CFAP36: variants seen among roughly 807,000 people sequenced by gnomAD.
CFAP36 encodes the protein cilia and flagella associated protein 36.
CFAP36 carries 37 observed loss-of-function variants against 50.5 expected under a neutral mutation model. The ratio of observed to expected loss-of-function variants is 0.73; its 90% CI spans 0.56 to 0.96. The LOEUF is 0.96. Ranked by LOEUF, CFAP36 falls within the 50% of genes least tolerant of loss-of-function variation. The pLI is 0.00. For missense variants in CFAP36, 407 were observed against 396.2 expected (o/e 1.03, Z -0.23); for synonymous variants, 138 against 128.2 (o/e 1.08, Z -0.52).
chr2:55,542,095 C>G (rs1246328562), intron 7 of CFAP36, among the ~76,000 whole-genome samples: 1 of 152,152 alleles, frequency 6.6e-6, no homozygotes, highest in Non-Finnish European at 1.5e-5. Context: ...TTAGGTTTGT[C>G]TGTGCTCTAG....
intron 6 of CFAP36, 57 bp downstream of exon 6, chr2:55,535,820 A>G: frequency 1.3e-6 from 2 of 1,526,390 alleles, no homozygotes; most frequent in African/African-American, 1.4e-5. Flanking sequence ...TATTAAGTTT[A>G]CACCTAGATC....
At chr2:55,520,526 A>G (rs993595290) in intron 1 of CFAP36, 1 of 1,436,092 alleles carries the variant, frequency 7.0e-7, no homozygotes, top group African/African-American at 1.4e-5. Flanking sequence ...GAGGTGGGGC[A>G]GGACCATTCT....
chr2:55,522,220 A>T, intron 2 of CFAP36, 54 bp downstream of exon 2: 1 of 879,042 alleles, frequency 1.1e-6, no homozygotes, highest in Non-Finnish European at 1.7e-6. Flanking sequence ...TACTACTTAT[A>T]GCTTTTCTAA....
intron 7 of CFAP36, among the ~76,000 whole-genome samples, chr2:55,539,736 T>C (rs1684584805): frequency 6.6e-6 from 1 of 152,246 alleles, no homozygotes; most frequent in Non-Finnish European, 1.5e-5. Flanking sequence ...TGCATTTCCA[T>C]AGCAGTGAAT....
rs537294769 is a variant in CFAP36 at position 55,539,533 on chromosome 2, T to C, written c.640+1948T>C. ...TTATTCATTTATCTGCTGAAGAAAA[T>C]CTTGGTTGCTTCCAAGTTTTGACAA... On this transcript the variant is annotated intron_variant, in intron 7 of 9. Coordinates refer to ENST00000349456, the MANE Select transcript of CFAP36 (RefSeq NM_080667.7). 5.4e-4 allele frequency: 83 copies of C among 152,336 alleles called. 1 individual carries two copies. The highest frequency in any genetic ancestry group is 1.9e-3 in the African/African-American group (81 of 41,574). The allele number at this position is 152,336 out of a possible 1,614,324, so 9.4% of individuals were successfully genotyped here.
At position 55,537,650 on chromosome 2, in the gene CFAP36, C is replaced by G. The variant is rs916468262; in HGVS notation, c.640+65C>G. 5 of 1,045,988 alleles carry G rather than the reference C, an allele frequency of 4.8e-6. No homozygotes were observed. In the African/African-American group the frequency reaches 6.5e-5, roughly 14 times the overall value. 64.8% of individuals were successfully genotyped at this position (1,045,988 alleles called of 1,614,324 possible). Reference sequence around the variant, plus strand: ...ATACATAAACACCATATAGAATGTGCCACTTTCTCATACTTATTTAACTTC... The same window carrying G: ...ATACATAAACACCATATAGAATGTGGCACTTTCTCATACTTATTTAACTTC... On this transcript the variant is annotated intron_variant, in intron 7 of 9. Coordinates refer to ENST00000349456, the MANE Select transcript of CFAP36 (RefSeq NM_080667.7).
chr2:55,537,147 T>C (rs1402269796), intron 6 of CFAP36, among the ~76,000 whole-genome samples: 1 of 151,924 alleles, frequency 6.6e-6, no homozygotes, highest in African/African-American at 2.4e-5. Flanking sequence ...GAGGCTGAGG[T>C]GGGTGGATCA....
At chr2:55,537,387 A>G in intron 6 of CFAP36, 96 bp from the exon 7 acceptor site, 2 of 834,384 alleles carry the variant, frequency 2.4e-6, no homozygotes, top group Non-Finnish European at 3.7e-6. Context: ...AAAAAAAAAG[A>G]AAACTATAAT....
At chr2:55,540,351 G>A (rs1031993561) in intron 7 of CFAP36, among the ~76,000 whole-genome samples, 1 of 152,154 alleles carries the variant, frequency 6.6e-6, no homozygotes, top group Non-Finnish European at 1.5e-5. Flanking sequence ...TCTTTCAGAT[G>A]TCCATTTTCC....
intron 3 of CFAP36, among the ~76,000 whole-genome samples, chr2:55,525,696 T>C (rs1188689151): frequency 6.6e-6 from 1 of 152,000 alleles, no homozygotes; most frequent in Non-Finnish European, 1.5e-5. Flanking sequence ...AATGGCACAA[T>C]CTCGGCTCAC....
intron 2 of CFAP36, 61 bp from the exon 3 acceptor site, chr2:55,523,660 A>G: frequency 9.2e-7 from 1 of 1,092,400 alleles, no homozygotes; most frequent in African/African-American, 1.6e-5. Context: ...AATACTTAAT[A>G]TGCAAACTGT....
chr2:55,529,421 C>CA (rs562874118), intron 4 of CFAP36, among the ~76,000 whole-genome samples: 8,031 of 120,988 alleles, frequency 0.066, 279 homozygotes, highest in South Asian at 0.17. Context: ...GACCCTGTCT[C>CA]AAAAAAAAAA....
At position 55,520,116 on chromosome 2, in the gene CFAP36, C is replaced by T. The variant is rs578032463; in HGVS notation, c.115+200C>T. The stretch of plus-strand genomic sequence containing the variant: ...GTTGTGTGGGAGGAATTCCTTTCAC[C>T]CTGCCAATGTGTTCCTTCGCAGACC... On this transcript the variant is annotated intron_variant, in intron 1 of 9. Transcript: ENST00000349456. Among the ~76,000 whole-genome samples, 4 of 152,276 alleles carry T rather than the reference C, an allele frequency of 2.6e-5. No homozygotes were observed. The South Asian group carries it at 6.2e-4, about 24-fold the overall frequency.
intron 7 of CFAP36, chr2:55,539,043 G>A (rs1684566544): frequency 2.9e-6 from 2 of 689,476 alleles, no homozygotes; most frequent in Admixed American, 8.9e-5. Context: ...CCTAGTACAT[G>A]CCTAGCCTCT....
chr2:55,534,072 A>G (rs1684421067), intron 5 of CFAP36, 112 bp downstream of exon 5: 1 of 517,140 alleles, frequency 1.9e-6, no homozygotes, highest in South Asian at 3.7e-5. Flanking sequence ...TTCTCTACTG[A>G]AAACCATCAA....
intron 4 of CFAP36, chr2:55,531,315 T>C (rs1460968963): frequency 1.3e-5 from 2 of 152,206 alleles, no homozygotes; most frequent in Non-Finnish European, 2.9e-5. Flanking sequence ...GGAAAAGAAA[T>C]AGTGAACTTG....
Position 55,537,418 on chromosome 2 carries a change from G to A in CFAP36, c.538-65G>A, listed in dbSNP as rs1334736284. On this transcript the variant is annotated intron_variant, in intron 6 of 9. Transcript: ENST00000349456. ...ATAATATCTTTGGATCCTTTAGGTAGTGAATTAGTTAAAATGAATCTAAAT... is the reference window on the plus strand; with the variant it reads ...ATAATATCTTTGGATCCTTTAGGTAATGAATTAGTTAAAATGAATCTAAAT... 2.8e-6 allele frequency: 3 copies of A among 1,069,948 alleles called. No homozygotes were observed. In the East Asian group the frequency reaches 7.4e-5, roughly 26 times the overall value. The allele number at this position is 1,069,948 out of a possible 1,614,324, so 66.3% of individuals were successfully genotyped here. A position where few individuals can be genotyped will look rare whatever the true frequency, so the allele number is the denominator to read the frequency against.
chr2:55,532,267 T>C (rs1684373793), intron 4 of CFAP36, among the ~76,000 whole-genome samples: 1 of 151,616 alleles, frequency 6.6e-6, no homozygotes, highest in African/African-American at 2.4e-5. Context: ...CAGGGGTGAA[T>C]ACCTTAGATT....
At chr2:55,544,179 T>C in intron 8 of CFAP36, 41 bp from the exon 9 acceptor site, 2 of 1,608,552 alleles carry the variant, frequency 1.2e-6, no homozygotes, top group Non-Finnish European at 8.5e-7. Flanking sequence ...ACTTACTAAA[T>C]GGATTTGAAT....
Sources: allele counts gnomAD v4.1 joint callset (sites outside exome capture counted in the v4.1 genomes callset), GRCh38; gene constraint gnomAD v4.1.1; transcripts MANE v1.5; gene names NCBI Gene and HGNC (gene_info 2026-07-23, HGNC 2026-07-21).